Variants in PPP6R2 observed in about 807,000 individuals in gnomAD.
PPP6R2 encodes protein phosphatase 6 regulatory subunit 2.
In PPP6R2, 62 loss-of-function variants were observed where a neutral mutation model predicts 100.2. The observed-to-expected ratio is 0.62, with a 90% CI of 0.50 to 0.76. The LOEUF (loss-of-function observed/expected upper bound fraction) is 0.76, where lower values mean the gene tolerates loss of function less well. Among genes scored for constraint, PPP6R2 ranks in the 30% least tolerant of loss-of-function variants. PPP6R2 has a pLI of 0.00. For synonymous variants in PPP6R2, 525 were observed against 514.7 expected (o/e 1.02, Z -0.27); for missense variants, 1,142 against 1,276.3 (o/e 0.89, Z 1.60).
chr22:50,335,164 G>C, the PPP6R2 span, among the ~76,000 whole-genome samples: 1 of 149,806 alleles, frequency 6.7e-6, no homozygotes, highest in African/African-American at 2.4e-5. Flanking sequence ...CGATTCTGCT[G>C]CATCAGCCTC....
At chr22:50,368,650 C>T (rs1044511884) in intron 1 of PPP6R2, among the ~76,000 whole-genome samples, 1 of 151,952 alleles carries the variant, frequency 6.6e-6, no homozygotes, top group Non-Finnish European at 1.5e-5. Flanking sequence ...AGTCTCTTGC[C>T]TTGGCACCTG....
At chr22:50,439,641 C>A in intron 19 of PPP6R2, 60 bp from the exon 20 acceptor site, 1 of 1,463,910 alleles carries the variant, frequency 6.8e-7, no homozygotes. Flanking sequence ...CGCTGCCTCC[C>A]CTTTGCCTGC....
intron 11 of PPP6R2, 69 bp from the exon 12 acceptor site, chr22:50,432,196 G>A (rs1010544932): frequency 1.3e-5 from 19 of 1,413,526 alleles, no homozygotes; most frequent in Non-Finnish European, 1.9e-5. Flanking sequence ...GCCCAGTCCA[G>A]GGATGGGTGG....
intron 6 of PPP6R2, among the ~76,000 whole-genome samples, chr22:50,417,248 A>G (rs191458127): frequency 6.6e-6 from 1 of 152,062 alleles, no homozygotes; most frequent in Admixed American, 6.5e-5. Context: ...ATTGCACCAC[A>G]TGGGCGTCTC....
chr22:50,406,165 CGAGAGGCCTGGAGAGAGGT>C (rs1440085155), intron 3 of PPP6R2, among the ~76,000 whole-genome samples: 9 of 52,236 alleles, frequency 1.7e-4, no homozygotes, highest in South Asian at 6.6e-4. Context: ...TGGAGAGAGG[CGAGAGGCCTGGAGAGAGGT>C]GAGAGGCCTG....
At chr22:50,409,463 C>G (rs1439667550) in intron 4 of PPP6R2, among the ~76,000 whole-genome samples, 2 of 152,000 alleles carry the variant, frequency 1.3e-5, no homozygotes, top group Non-Finnish European at 2.9e-5. Context: ...GAGTCTTGCT[C>G]TGTCGCCAGG....
intron 22 of PPP6R2, 99 bp from the exon 23 acceptor site, chr22:50,443,767 G>T: frequency 6.9e-7 from 1 of 1,455,990 alleles, no homozygotes; most frequent in Non-Finnish European, 9.2e-7. Flanking sequence ...GGTGCTCCCA[G>T]GCCGCCTGGA....
intron 1 of PPP6R2, among the ~76,000 whole-genome samples, chr22:50,347,842 A>T (rs2044136372): frequency 6.6e-6 from 1 of 152,078 alleles, no homozygotes; most frequent in Non-Finnish European, 1.5e-5. Flanking sequence ...TCACTGAAAG[A>T]GGCTCTTCAC....
chr22:50,335,362 C>T, the PPP6R2 span, among the ~76,000 whole-genome samples: 1 of 151,276 alleles, frequency 6.6e-6, no homozygotes, highest in Non-Finnish European at 1.5e-5. Context: ...CGCGCCCAGC[C>T]ATAATTTTTG....
chr22:50,407,125 T>C (rs2059077964), intron 4 of PPP6R2, among the ~76,000 whole-genome samples: 1 of 152,064 alleles, frequency 6.6e-6, no homozygotes, highest in African/African-American at 2.4e-5. Context: ...GCTGGGCAGA[T>C]CACTTGAGGT....
rs902955211 is a variant in PPP6R2 at position 50,423,794 on chromosome 22, G to A, written c.1125+180G>A. On this transcript the variant is annotated intron_variant, in intron 10 of 23. Coordinates refer to ENST00000612753, the MANE Select transcript of PPP6R2 (RefSeq NM_001242898.2). This position sits in a 1 kb window ranked among gnomAD's most constrained non-coding sequence, Gnocchi z 4.8. The stretch of plus-strand genomic sequence containing the variant: ...TCTGGCGGGGCACAGAGCAGCAGTG[G>A]GGTGTGTCTCAGCTGCAGGCTCATG... 1.4e-4 allele frequency among the ~76,000 whole-genome samples: 22 copies of A among 152,182 alleles called. No homozygotes were observed. The highest frequency in any genetic ancestry group is 8.8e-5 in the Non-Finnish European group (6 of 68,030).
intron 3 of PPP6R2, among the ~76,000 whole-genome samples, chr22:50,404,068 G>T (rs1233904034): frequency 7.0e-6 from 1 of 143,188 alleles, no homozygotes; most frequent in South Asian, 2.3e-4. Flanking sequence ...GCATGGGCAG[G>T]CACTGTCACC....
At chr22:50,372,591 T>G (rs994118218) in intron 2 of PPP6R2, among the ~76,000 whole-genome samples, 6 of 152,044 alleles carry the variant, frequency 3.9e-5, no homozygotes, top group Non-Finnish European at 7.4e-5. Flanking sequence ...GTGCTCATGG[T>G]CTGTTGTCTT....
upstream of PPP6R2, among the ~76,000 whole-genome samples, chr22:50,341,494 G>C (rs556945832): frequency 6.6e-6 from 1 of 151,576 alleles, no homozygotes. Context: ...GTGAGCCACC[G>C]TGCCCAGGCA....
chr22:50,435,759 A>T (rs879078005), intron 13 of PPP6R2, among the ~76,000 whole-genome samples: 1 of 152,184 alleles, frequency 6.6e-6, no homozygotes, highest in Non-Finnish European at 1.5e-5. Flanking sequence ...GCAGGGCAGG[A>T]GGAGCTTCCC....
intron 8 of PPP6R2, among the ~76,000 whole-genome samples, chr22:50,422,034 C>T (rs2061406842): frequency 6.6e-6 from 1 of 152,120 alleles, no homozygotes; most frequent in East Asian, 1.9e-4. Flanking sequence ...TCTCGGATGT[C>T]GCAAGCAAGC....
intron 22 of PPP6R2, among the ~76,000 whole-genome samples, chr22:50,442,444 C>G (rs562153369): frequency 1.3e-5 from 2 of 152,402 alleles, no homozygotes; most frequent in South Asian, 4.1e-4. Context: ...AAGGCCGTTT[C>G]CCGATGCCGG....
chr22:50,375,113 G>T (rs1461165554), intron 2 of PPP6R2, among the ~76,000 whole-genome samples: 1 of 152,070 alleles, frequency 6.6e-6, no homozygotes, highest in African/African-American at 2.4e-5. Flanking sequence ...ATTCCTCAAA[G>T]CGACGAGAGC....
intron 10 of PPP6R2, among the ~76,000 whole-genome samples, chr22:50,428,017 G>C (rs1478344070): frequency 1.3e-5 from 2 of 151,234 alleles, no homozygotes; most frequent in Non-Finnish European, 1.5e-5. Context: ...ACCACGCCCA[G>C]CCAATTTTTA....
Sources: allele counts gnomAD v4.1 joint callset (sites outside exome capture counted in the v4.1 genomes callset), GRCh38; gene constraint gnomAD v4.1.1; non-coding constraint Gnocchi (gnomAD v3.1); transcripts MANE v1.5; gene names NCBI Gene and HGNC (gene_info 2026-07-23, HGNC 2026-07-21).